The following ZNF248 variants were observed in gnomAD, a reference collection of about 807,000 sequenced individuals.
The protein encoded by ZNF248 is KRAB protein domain.
ZNF248 carries 20 observed loss-of-function variants against 44.3 expected under a neutral mutation model. The ratio of observed to expected loss-of-function variants is 0.45; its 90% CI spans 0.32 to 0.66. The LOEUF is 0.66. ZNF248 is among the 30% of genes least tolerant of loss of function. The probability of loss-of-function intolerance (pLI) is 0.04; values close to 1 mark genes in which losing one functional copy is unlikely to be tolerated. For synonymous variants in ZNF248, 224 were observed against 229.0 expected (o/e 0.98, Z 0.20); for missense variants, 654 against 677.0 (o/e 0.97, Z 0.38).
At chr10:37,782,757 A>G (rs2047457351) in intron 6 of ZNF248, among the ~76,000 whole-genome samples, 1 of 152,130 alleles carries the variant, frequency 6.6e-6, no homozygotes, top group Non-Finnish European at 1.5e-5. Context: ...CAACAAGCTA[A>G]GCATTGCCAG....
the ZNF248 span, among the ~76,000 whole-genome samples, chr10:37,763,714 C>G: frequency 6.6e-6 from 1 of 152,118 alleles, no homozygotes; most frequent in African/African-American, 2.4e-5. Context: ...GTCAGGGACC[C>G]TGAACAGAGG....
At chr10:37,846,437 C>T (rs1282577980) in intron 3 of ZNF248, among the ~76,000 whole-genome samples, 2 of 151,952 alleles carry the variant, frequency 1.3e-5, no homozygotes, top group South Asian at 2.1e-4. Context: ...AGTTCGAGAC[C>T]GGCTTGGTCA....
chr10:37,809,898 A>G (rs2051219323), intron 6 of ZNF248, among the ~76,000 whole-genome samples: 2 of 152,304 alleles, frequency 1.3e-5, no homozygotes, highest in South Asian at 4.1e-4. Context: ...CGTAGAATAT[A>G]CTTTGTATAA....
chr10:37,829,871 C>T lies in ZNF248; in HGVS notation c.*1744G>A, dbSNP rs1165434132. The T allele has an allele frequency of 1.0e-6, 1 of 985,266 alleles. No individual in the cohort carries two copies. The highest frequency in any genetic ancestry group is 1.7e-5 in the African/African-American group (1 of 57,224). 61.0% of individuals were successfully genotyped at this position (985,266 alleles called of 1,614,324 possible). ...AACAGAATCATTAAAATGGAACTTCCATGATTAGCTTTGACTAATCTGGAC... is the reference window on the plus strand; with the variant it reads ...AACAGAATCATTAAAATGGAACTTCTATGATTAGCTTTGACTAATCTGGAC... On this transcript the variant is annotated 3_prime_UTR_variant, in exon 6 of 6. Coordinates refer to ENST00000395867, the MANE Select transcript of ZNF248 (RefSeq NM_021045.3).
intron 6 of ZNF248, among the ~76,000 whole-genome samples, chr10:37,784,859 A>T (rs1000661529): frequency 6.6e-6 from 1 of 152,194 alleles, no homozygotes; most frequent in South Asian, 2.1e-4. Context: ...AAAACAAAAA[A>T]CAAAACAAAC....
At chr10:37,828,069 T>A (rs572252006), downstream of ZNF248, among the ~76,000 whole-genome samples, 10 of 152,286 alleles carry the variant, frequency 6.6e-5, no homozygotes, top group South Asian at 4.1e-4. Context: ...GTGAGATCAG[T>A]CTAGTGTATG....
Position 37,831,170 on chromosome 10 carries a change from G to C in ZNF248, c.*445C>G. The C allele has an allele frequency of 6.6e-7, 1 of 1,525,080 alleles. No homozygotes were observed. The highest frequency in any genetic ancestry group is 8.8e-7 in the Non-Finnish European group (1 of 1,134,234). The allele number at this position is 1,525,080 out of a possible 1,614,324, so 94.5% of individuals were successfully genotyped here. A position where few individuals can be genotyped will look rare whatever the true frequency, so the allele number is the denominator to read the frequency against. ...TTAAGGGTACGTATCTTCTCCTTAT[G>C]ATCATGTTGAGTTCCAATATACAAA... On this transcript the variant is annotated 3_prime_UTR_variant, in exon 6 of 6. Coordinates refer to ENST00000395867, the MANE Select transcript of ZNF248 (RefSeq NM_021045.3).
rs147208019 is a variant in ZNF248, at chr10:37,832,299, A to G, written c.1056T>C (p.Tyr352=). Reference sequence around the variant, plus strand: ...AATTACTCCCATTTTCATTGTAATCATAAGACTTTCCCCCCATGTGTACTA... The same window carrying G: ...AATTACTCCCATTTTCATTGTAATCGTAAGACTTTCCCCCCATGTGTACTA... ...HQIVHMGGKS[Y]DYNENGSNFS... Residue 352 remains tyrosine, a synonymous_variant, in exon 6 of 6, where the codon TAT becomes TAC. Coordinates refer to ENST00000395867, the MANE Select transcript of ZNF248 (RefSeq NM_021045.3). 19 of 1,613,934 alleles carry G rather than the reference A, an allele frequency of 1.2e-5. No individual in the cohort carries two copies. The highest frequency in any genetic ancestry group is 1.6e-4 in the Middle Eastern group (1 of 6,084).
intron 6 of ZNF248, among the ~76,000 whole-genome samples, chr10:37,811,749 G>A (rs1376116857): frequency 1.3e-5 from 2 of 152,004 alleles, no homozygotes; most frequent in East Asian, 1.9e-4. Context: ...GGGAAGCTGA[G>A]GTGGGAGGAT....
At chr10:37,814,325 AAT>A (rs1345684411) in intron 6 of ZNF248, among the ~76,000 whole-genome samples, 1 of 152,204 alleles carries the variant, frequency 6.6e-6, no homozygotes, top group Non-Finnish European at 1.5e-5. Flanking sequence ...GATGTCAAAA[AAT>A]GACTTCTTTA....
chr10:37,803,504 G>A (rs1217451319), intron 6 of ZNF248: 4 of 152,228 alleles, frequency 2.6e-5, no homozygotes, highest in Non-Finnish European at 4.4e-5. Context: ...ATCACCAAGT[G>A]TTATTTAACT....
intron 6 of ZNF248, among the ~76,000 whole-genome samples, chr10:37,789,054 TAG>T (rs1015233850): frequency 1.3e-4 from 20 of 152,152 alleles, no homozygotes; most frequent in African/African-American, 4.8e-4. Flanking sequence ...ACATTTTTGT[TAG>T]AGATGGGGTT....
At chr10:37,852,261 T>C (rs941307692) in intron 3 of ZNF248, among the ~76,000 whole-genome samples, 2 of 147,560 alleles carry the variant, frequency 1.4e-5, no homozygotes, top group African/African-American at 2.5e-5. Flanking sequence ...AAAAAAAAAA[T>C]GTGATATATC....
Position 37,830,406 on chromosome 10 carries a change from A to G in ZNF248, c.*1209T>C, listed in dbSNP as rs1416808051. The G allele has an allele frequency of 1.0e-6, 1 of 985,300 alleles. No homozygotes were observed. Among genetic ancestry groups the G allele is most frequent in the Non-Finnish European group, 1.2e-6 (1 of 829,946 alleles). The allele number at this position is 985,300 out of a possible 1,614,324, so 61.0% of individuals were successfully genotyped here. A position where few individuals can be genotyped will look rare whatever the true frequency, so the allele number is the denominator to read the frequency against. On this transcript the variant is annotated 3_prime_UTR_variant, in exon 6 of 6. Transcript: ENST00000395867. ...TTCTTTGTGAAATAATATTTCACTA[A>G]AAACATATACTGGCCAACCTACAAA...
At chr10:37,825,119 AAT>A (rs546197044), downstream of ZNF248, among the ~76,000 whole-genome samples, 58 of 152,278 alleles carry the variant, frequency 3.8e-4, no homozygotes, top group Middle Eastern at 3.4e-3. Context: ...TGAAAAAAGC[AAT>A]AGTTTCCATT....
intron 6 of ZNF248, among the ~76,000 whole-genome samples, chr10:37,813,048 G>A (rs556886239): frequency 1.3e-5 from 2 of 150,750 alleles, no homozygotes; most frequent in Non-Finnish European, 3.0e-5. Flanking sequence ...AAAGGTGGTG[G>A]AAGCAGGAGA....
rs570388370 is a variant in ZNF248, at chr10:37,779,054, G to A, written c.331-2479C>T. Among the ~76,000 whole-genome samples, 9 of 152,286 alleles carry A rather than the reference G, an allele frequency of 5.9e-5. No homozygotes were observed. The East Asian group carries it at 1.7e-3, about 29-fold the overall frequency. On this transcript the variant is annotated intron_variant, in intron 6 of 6. Coordinates refer to the ZNF248 transcript ENST00000615949. The stretch of plus-strand genomic sequence containing the variant: ...ACCAAGCAAAAAGAGTCCAGGACCA[G>A]ATGGATTCACAGCCAAATTCTACCA...
the ZNF248 span, among the ~76,000 whole-genome samples, chr10:37,769,848 C>A: frequency 1.4e-3 from 219 of 152,076 alleles, no homozygotes; most frequent in Non-Finnish European, 2.5e-3. Context: ...TGTTTGCAGA[C>A]GACATGATTG....
chr10:37,821,897 C>T (rs2053528960), intron 6 of ZNF248, among the ~76,000 whole-genome samples: 1 of 152,210 alleles, frequency 6.6e-6, no homozygotes, highest in African/African-American at 2.4e-5. Flanking sequence ...TTCCAAAGTG[C>T]ACAAACTACC....
Sources: gnomAD v4.1 joint callset for allele counts (sites outside exome capture counted in the v4.1 genomes callset) on GRCh38, gnomAD v4.1.1 for gene constraint, MANE v1.5 for transcripts, NCBI Gene and HGNC (gene_info 2026-07-23, HGNC 2026-07-21) for gene names.